LMBR1: variants seen among roughly 807,000 people sequenced by gnomAD.
LMBR1 encodes the protein limb development membrane protein 1, also known as limb region 1 protein homolog.
In LMBR1, 52 loss-of-function variants were observed where a neutral mutation model predicts 73.9. The observed-to-expected ratio is 0.70, with a 90% CI of 0.56 to 0.89. The LOEUF (loss-of-function observed/expected upper bound fraction) is 0.89, where lower values mean the gene tolerates loss of function less well. LMBR1 is among the 40% of genes least tolerant of loss of function. The probability of loss-of-function intolerance (pLI) is 0.00; values close to 1 mark genes in which losing one functional copy is unlikely to be tolerated. For synonymous variants in LMBR1, 215 were observed against 209.4 expected (o/e 1.03, Z -0.23); for missense variants, 539 against 579.8 (o/e 0.93, Z 0.72).
intron 12 of LMBR1, among the ~76,000 whole-genome samples, chr7:156,727,023 CTTCT>C (rs1436123070): frequency 6.6e-6 from 1 of 152,168 alleles, no homozygotes; most frequent in East Asian, 1.9e-4. Context: ...TTTCTTTGGT[CTTCT>C]TTATTTCTGA....
intron 4 of LMBR1, among the ~76,000 whole-genome samples, chr7:156,797,255 C>CAGAG (rs1830200865): frequency 6.6e-6 from 1 of 152,166 alleles, no homozygotes; most frequent in Admixed American, 6.5e-5. Context: ...TAGCAAAAGA[C>CAGAG]AGAGCCCTGT....
chr7:156,855,659 G>A (rs1212391227), intron 1 of LMBR1, among the ~76,000 whole-genome samples: 8 of 80,610 alleles, frequency 9.9e-5, no homozygotes, highest in South Asian at 3.8e-4. Context: ...AACAAACAAC[G>A]TAAATACAAA....
intron 1 of LMBR1, among the ~76,000 whole-genome samples, chr7:156,859,938 A>C (rs1797498559): frequency 2.0e-5 from 3 of 152,248 alleles, no homozygotes; most frequent in Admixed American, 1.3e-4. Context: ...TGGTGAAAGA[A>C]TAGAAAAAGA....
rs927327150 is a variant in LMBR1 at position 156,756,418 on chromosome 7, T to C, written c.732A>G (p.Glu244=). Residue 244 remains glutamate, a synonymous_variant, in exon 9 of 17, where the codon GAA becomes GAG. Coordinates refer to ENST00000353442, the MANE Select transcript of LMBR1 (RefSeq NM_022458.4). The part of the protein sequence containing the change: ...DEQIYIITLE[E]EALQRRLNGL... ...CATTTAGTCGTCTCTGGAGTGCTTC[T>C]TCCTCTAAGGTAATGATATAAATTT... is the stretch of plus-strand genomic sequence containing the variant. 4.0e-6 allele frequency: 6 copies of C among 1,502,350 alleles called. No individual in the cohort carries two copies. Among genetic ancestry groups the C allele is most frequent in the Non-Finnish European group, 5.5e-6 (6 of 1,086,208 alleles). 93.1% of individuals were successfully genotyped at this position (1,502,350 alleles called of 1,614,324 possible). A position where few individuals can be genotyped will look rare whatever the true frequency, so the allele number is the denominator to read the frequency against.
chr7:156,833,939 A>C (rs1837152232), intron 2 of LMBR1, 147 bp from the exon 3 acceptor site: 1 of 584,298 alleles, frequency 1.7e-6, no homozygotes, highest in African/African-American at 1.9e-5. Flanking sequence ...GTTTCAGCAT[A>C]GATCCAAATT....
intron 5 of LMBR1, among the ~76,000 whole-genome samples, chr7:156,783,998 G>GTTT (rs59262090): frequency 0.015 from 2,004 of 135,982 alleles, 39 homozygotes; most frequent in African/African-American, 0.049. Flanking sequence ...GTTTTTTTCT[G>GTTT]TTTTTTTTTT....
chr7:156,745,765 C>T (rs1160284302), intron 9 of LMBR1, among the ~76,000 whole-genome samples: 3 of 152,236 alleles, frequency 2.0e-5, no homozygotes. Flanking sequence ...CTTTGCAGCT[C>T]CTTGCTCACT....
chr7:156,799,508 TAATC>T (rs559177483), intron 4 of LMBR1, among the ~76,000 whole-genome samples: 487 of 152,344 alleles, frequency 3.2e-3, no homozygotes, highest in Non-Finnish European at 5.7e-3. Flanking sequence ...ATGCCAAACT[TAATC>T]AATAAATATT....
At chr7:156,749,296 A>G (rs1040811351) in intron 9 of LMBR1, among the ~76,000 whole-genome samples, 1 of 152,240 alleles carries the variant, frequency 6.6e-6, no homozygotes. Context: ...GTGTTATATG[A>G]AAGAATGTAA....
chr7:156,694,009 C>A (rs1484257521), intron 15 of LMBR1, among the ~76,000 whole-genome samples: 1 of 152,134 alleles, frequency 6.6e-6, no homozygotes, highest in East Asian at 1.9e-4. Flanking sequence ...GAAGGTCAAT[C>A]AATGTGATAT....
chr7:156,888,537 G>A (rs561029492), intron 1 of LMBR1, among the ~76,000 whole-genome samples: 55 of 151,996 alleles, frequency 3.6e-4, no homozygotes, highest in Non-Finnish European at 6.5e-4. Context: ...ATTCACAATA[G>A]CCAAAAACAG....
intron 5 of LMBR1, among the ~76,000 whole-genome samples, chr7:156,783,363 G>C (rs931661145): frequency 6.6e-6 from 1 of 151,860 alleles, no homozygotes; most frequent in Non-Finnish European, 1.5e-5. Flanking sequence ...GTATTTTGTA[G>C]AGACAGGGCC....
At chr7:156,705,276 C>T (rs547884391) in intron 15 of LMBR1, among the ~76,000 whole-genome samples, 1 of 152,254 alleles carries the variant, frequency 6.6e-6, no homozygotes, top group African/African-American at 2.4e-5. Flanking sequence ...AAAAGCCTGC[C>T]CCTGGGCATA....
intron 5 of LMBR1, chr7:156,779,650 C>G: frequency 7.9e-7 from 1 of 1,260,702 alleles, no homozygotes; most frequent in Non-Finnish European, 1.0e-6. Flanking sequence ...TTACAATGTA[C>G]TTACAAAAGC....
chr7:156,728,810 CT>C, intron 10 of LMBR1, 90 bp from the exon 11 acceptor site: 1 of 917,174 alleles, frequency 1.1e-6, no homozygotes, highest in South Asian at 1.7e-5. Context: ...TACATAATTT[CT>C]TTTTAAAAAA....
At chr7:156,848,272 A>T (rs1226430242) in intron 1 of LMBR1, among the ~76,000 whole-genome samples, 1 of 152,210 alleles carries the variant, frequency 6.6e-6, no homozygotes, top group East Asian at 1.9e-4. Flanking sequence ...AACTAAAGAA[A>T]TATCAACCGT....
chr7:156,866,711 C>G (rs1798516846), intron 1 of LMBR1, among the ~76,000 whole-genome samples: 1 of 150,648 alleles, frequency 6.6e-6, no homozygotes, highest in African/African-American at 2.4e-5. Flanking sequence ...TCAAGAGATT[C>G]TCCTGCCTCA....
At chr7:156,891,705 G>T (rs904064879) in intron 1 of LMBR1, among the ~76,000 whole-genome samples, 1 of 152,114 alleles carries the variant, frequency 6.6e-6, no homozygotes, top group African/African-American at 2.4e-5. Context: ...GAGTACACAG[G>T]CGTGTTTAGT....
At chr7:156,802,031 G>A (rs1009342320) in intron 4 of LMBR1, among the ~76,000 whole-genome samples, 4 of 152,018 alleles carry the variant, frequency 2.6e-5, no homozygotes, top group Non-Finnish European at 4.4e-5. Flanking sequence ...TGCCCAGGCT[G>A]GAGTGCAATG....
Sources: allele counts gnomAD v4.1 joint callset (sites outside exome capture counted in the v4.1 genomes callset), GRCh38; gene constraint gnomAD v4.1.1; transcripts MANE v1.5; gene names NCBI Gene and HGNC (gene_info 2026-07-23, HGNC 2026-07-21).